OXR1: variants seen among roughly 807,000 people sequenced by gnomAD.
The protein encoded by OXR1 is oxidation resistance 1, also known as oxidation resistance protein 1.
Under a neutral mutation model 104.6 loss-of-function variants are expected in OXR1, and 41 were observed. The ratio of observed to expected loss-of-function variants is 0.39; its 90% CI spans 0.31 to 0.51. OXR1 has a LOEUF of 0.51. OXR1 is among the 20% of genes least tolerant of loss of function. The pLI is 0.77. For missense variants in OXR1, 955 were observed against 1,031.9 expected, an observed-to-expected ratio of 0.93 and a Z score of 1.02; for synonymous variants, 348 against 348.4, an observed-to-expected ratio of 1.00 and a Z score of 0.01.
intron 2 of OXR1, among the ~76,000 whole-genome samples, chr8:106,422,945 T>G (rs538260450): frequency 8.5e-5 from 13 of 152,274 alleles, no homozygotes; most frequent in African/African-American, 3.1e-4. Flanking sequence ...AAATGGTCTT[T>G]GGGATTGGCC....
chr8:106,675,510 T>C (rs953584791), intron 3 of OXR1, among the ~76,000 whole-genome samples: 19 of 152,216 alleles, frequency 1.2e-4, no homozygotes, highest in African/African-American at 4.1e-4. Flanking sequence ...TTTGTTCTTA[T>C]TAGTTGCAAA....
rs199806770 is a variant in OXR1, at chr8:106,405,158, A to AG, written c.23+45522_23+45523insG. On this transcript the variant is annotated intron_variant, in intron 2 of 16. Coordinates refer to ENST00000517566, the MANE Select transcript of OXR1 (RefSeq NM_001198533.2). Reference sequence around the variant, plus strand: ...AGAAACCACATATATATATATATATATATATATATATATATATATATATAT... The same window carrying AG: ...AGAAACCACATATATATATATATATAGTATATATATATATATATATATATAT... 6.7e-3 allele frequency among the ~76,000 whole-genome samples: 282 copies of AG among 42,370 alleles called. 19 individuals carry two copies. Among genetic ancestry groups the AG allele is most frequent in the African/African-American group, 0.044 (265 of 6,080 alleles). 27.8% of individuals were successfully genotyped at this position (42,370 alleles called of 152,430 possible). A position where few individuals can be genotyped will look rare whatever the true frequency, so the allele number is the denominator to read the frequency against.
chr8:106,379,927 T>C (rs368724954), intron 2 of OXR1, among the ~76,000 whole-genome samples: 9 of 152,174 alleles, frequency 5.9e-5, no homozygotes, highest in African/African-American at 2.2e-4. Flanking sequence ...TTTTTTAATA[T>C]AACAGCTTTA....
In OXR1 at chr8:106,686,764, C is replaced by T. The variant is rs985824816; in HGVS notation, c.525+2405C>T. The stretch of plus-strand genomic sequence containing the variant: ...GCTAAAAATATGTTCCTGGCTTTGT[C>T]GGCATAAAGACTTTCATTGGTAATA... On this transcript the variant is annotated intron_variant, in intron 6 of 16. Transcript: ENST00000517566. Among the ~76,000 whole-genome samples, 13 of 152,156 alleles carry T rather than the reference C, an allele frequency of 8.5e-5. No homozygotes were observed. The East Asian group carries it at 9.7e-4, about 11-fold the overall frequency.
chr8:106,326,051 A>G (rs1392323394), intron 1 of OXR1, among the ~76,000 whole-genome samples: 1 of 152,236 alleles, frequency 6.6e-6, no homozygotes, highest in Admixed American at 6.5e-5. Flanking sequence ...AAGTATATAA[A>G]GTCAGTTGCT....
chr8:106,361,462 G>A (rs960418055), intron 2 of OXR1, among the ~76,000 whole-genome samples: 1 of 152,122 alleles, frequency 6.6e-6, no homozygotes, highest in African/African-American at 2.4e-5. Flanking sequence ...CAGCTGTGAG[G>A]TGTTTGGCAT....
chr8:106,602,493 C>T (rs1024307532), intron 3 of OXR1, among the ~76,000 whole-genome samples: 130 of 152,278 alleles, frequency 8.5e-4, no homozygotes, highest in African/African-American at 3.0e-3. Flanking sequence ...AAGAATGATT[C>T]TTACAACTTT....
Position 106,740,515 on chromosome 8 carries a change from T to A in OXR1, c.2316+20T>A, listed in dbSNP as rs1417639434. 1 of 1,593,602 alleles carries A rather than the reference T, an allele frequency of 6.3e-7. No homozygotes were observed. The stretch of plus-strand genomic sequence containing the variant: ...GGACAGGTATGAAACACCAACTGCA[T>A]AGATTGCTTATCCTTTAAGAGCAGT... On this transcript the variant is annotated intron_variant, in intron 14 of 16. Coordinates refer to ENST00000517566, the MANE Select transcript of OXR1 (RefSeq NM_001198533.2).
rs181026620 is a variant in OXR1 at position 106,563,116 on chromosome 8, T to C, written c.220+43977T>C. On this transcript the variant is annotated intron_variant, in intron 3 of 16. Transcript: ENST00000517566. ...ATAATGACAGGATCAAATTCTCACATAACAATATTAACCTTAAATGTTAAC... is the reference window on the plus strand; with the variant it reads ...ATAATGACAGGATCAAATTCTCACACAACAATATTAACCTTAAATGTTAAC... Among the ~76,000 whole-genome samples the C allele has an allele frequency of 5.3e-5, 8 of 152,200 alleles. No homozygotes were observed. The East Asian group carries it at 1.5e-3, about 29-fold the overall frequency.
intron 1 of OXR1, among the ~76,000 whole-genome samples, chr8:106,321,914 T>C (rs1399814675): frequency 6.6e-6 from 1 of 152,184 alleles, no homozygotes; most frequent in East Asian, 1.9e-4. Context: ...TGACATCTCT[T>C]AATACAACTT....
intron 2 of OXR1, among the ~76,000 whole-genome samples, chr8:106,418,887 T>G (rs896827651): frequency 1.3e-5 from 2 of 151,982 alleles, no homozygotes; most frequent in African/African-American, 4.8e-5. Context: ...TCAGAGTCAT[T>G]TTACATTTTT....
intron 3 of OXR1, among the ~76,000 whole-genome samples, chr8:106,582,211 C>CATAT (rs767373142): frequency 8.7e-6 from 1 of 114,296 alleles, no homozygotes; most frequent in Non-Finnish European, 1.7e-5. Context: ...TATGAAGGAA[C>CATAT]ATATATATAT....
chr8:106,536,367 C>T (rs2130286241), intron 3 of OXR1, among the ~76,000 whole-genome samples: 1 of 152,058 alleles, frequency 6.6e-6, no homozygotes, highest in African/African-American at 2.4e-5. Context: ...ATGTACAAAC[C>T]AGAATGGCTT....
chr8:106,618,308 C>T (rs3134136), intron 3 of OXR1: 254,777 of 813,634 alleles, frequency 0.31, 40,724 homozygotes, highest in Middle Eastern at 0.36. Context: ...GGATCTGTGA[C>T]GATGCAGTTG....
chr8:106,403,333 C>T (rs547847716), intron 2 of OXR1, among the ~76,000 whole-genome samples: 1 of 152,356 alleles, frequency 6.6e-6, no homozygotes, highest in East Asian at 1.9e-4. Context: ...ATCAGGGAAA[C>T]CCTGCCCACC....
chr8:106,498,123 A>T (rs1284723260), intron 2 of OXR1, among the ~76,000 whole-genome samples: 1 of 152,184 alleles, frequency 6.6e-6, no homozygotes, highest in Non-Finnish European at 1.5e-5. Context: ...GTTCTTATGG[A>T]GACTCCTGGA....
chr8:106,313,675 TATC>T (rs1253850750), intron 1 of OXR1, among the ~76,000 whole-genome samples: 1 of 152,142 alleles, frequency 6.6e-6, no homozygotes, highest in African/African-American at 2.4e-5. Context: ...TGTCCAGCCA[TATC>T]ATAGCCTAGA....
intron 14 of OXR1, 118 bp downstream of exon 14, chr8:106,740,613 A>G: frequency 1.2e-6 from 1 of 818,674 alleles, no homozygotes. Context: ...ACTGATAATT[A>G]CTGGGTACTT....
At chr8:106,527,893 T>A (rs948748586) in intron 3 of OXR1, among the ~76,000 whole-genome samples, 2 of 152,206 alleles carry the variant, frequency 1.3e-5, no homozygotes, top group Non-Finnish European at 2.9e-5. Context: ...TCCTCTACAT[T>A]GATTTTCAGA....
Sources: allele counts gnomAD v4.1 joint callset (sites outside exome capture counted in the v4.1 genomes callset), GRCh38; gene constraint gnomAD v4.1.1; transcripts MANE v1.5; gene names NCBI Gene and HGNC (gene_info 2026-07-23, HGNC 2026-07-21).